Variants in LIMA1 observed in about 807,000 individuals in gnomAD.
The protein encoded by LIMA1 is LIM domain and actin binding 1.
A neutral mutation model predicts 62.6 loss-of-function variants in LIMA1; 52 were observed. The ratio of observed to expected loss-of-function variants is 0.83; its 90% confidence interval spans 0.67 to 1.05. LIMA1 has a LOEUF of 1.05. Ranked by LOEUF, LIMA1 falls within the 50% of genes least tolerant of loss-of-function variation. The probability of loss-of-function intolerance (pLI) is 0.00; values close to 1 mark genes in which losing one functional copy is unlikely to be tolerated. For synonymous variants in LIMA1, 302 were observed against 317.8 expected, an observed-to-expected ratio of 0.95 and a Z score of 0.53; for missense variants, 780 against 902.2, an observed-to-expected ratio of 0.86 and a Z score of 1.74.
At chr12:50,234,845 C>G (rs928290570) in intron 2 of LIMA1, among the ~76,000 whole-genome samples, 1 of 152,102 alleles carries the variant, frequency 6.6e-6, no homozygotes, top group East Asian at 1.9e-4. Context: ...AAAACCCTGT[C>G]TCTACGAAAA....
intron 1 of LIMA1, among the ~76,000 whole-genome samples, chr12:50,281,254 G>C (rs1231319343): frequency 6.6e-6 from 1 of 151,990 alleles, no homozygotes; most frequent in Non-Finnish European, 1.5e-5. Flanking sequence ...ATAAGAATTT[G>C]AAACCTGAAG....
At chr12:50,190,659 C>G (rs573942736) in intron 9 of LIMA1, among the ~76,000 whole-genome samples, 2 of 131,122 alleles carry the variant, frequency 1.5e-5, no homozygotes, top group South Asian at 2.5e-4. Flanking sequence ...GGATTACAGG[C>G]GTGAGCCACC....
chr12:50,268,128 A>G (rs749832402), intron 1 of LIMA1, among the ~76,000 whole-genome samples: 3 of 152,070 alleles, frequency 2.0e-5, no homozygotes, highest in Non-Finnish European at 4.4e-5. Flanking sequence ...TCTCATTAAT[A>G]TTCTTTCCAA....
At chr12:50,244,043 T>C in intron 2 of LIMA1, among the ~76,000 whole-genome samples, 1 of 150,766 alleles carries the variant, frequency 6.6e-6, no homozygotes, top group Non-Finnish European at 1.5e-5. Flanking sequence ...GCCTCCCAAG[T>C]AGCTGGGATT....
chr12:50,214,225 C>CA (rs2138524611), intron 4 of LIMA1, among the ~76,000 whole-genome samples: 1 of 151,118 alleles, frequency 6.6e-6, no homozygotes, highest in African/African-American at 2.4e-5. Flanking sequence ...GCTAAATCAG[C>CA]AAAAAGTTAG....
chr12:50,265,061 G>A (rs937155317), intron 1 of LIMA1, among the ~76,000 whole-genome samples: 42 of 151,682 alleles, frequency 2.8e-4, no homozygotes, highest in Admixed American at 2.0e-3. Context: ...GCTGAAGTGG[G>A]AAGATTGCCT....
intron 1 of LIMA1, among the ~76,000 whole-genome samples, chr12:50,272,106 G>A (rs910162531): frequency 1.3e-5 from 2 of 151,984 alleles, no homozygotes; most frequent in Non-Finnish European, 2.9e-5. Context: ...TTCACTTCTG[G>A]ACATTTCCAG....
intron 7 of LIMA1, 83 bp downstream of exon 7, chr12:50,200,694 G>T: frequency 7.0e-7 from 1 of 1,434,350 alleles, no homozygotes; most frequent in Non-Finnish European, 9.8e-7. Flanking sequence ...CTACAGCCTA[G>T]AGTTAGAGTT....
chr12:50,226,004 TG>T (rs1941521782), intron 3 of LIMA1, among the ~76,000 whole-genome samples: 1 of 152,192 alleles, frequency 6.6e-6, no homozygotes. Flanking sequence ...AGGCTAAGCA[TG>T]TTTTTACACT....
At chr12:50,221,601 G>A (rs1941441599) in intron 4 of LIMA1, among the ~76,000 whole-genome samples, 1 of 152,198 alleles carries the variant, frequency 6.6e-6, no homozygotes, top group African/African-American at 2.4e-5. Flanking sequence ...GCAGAGACAA[G>A]TAAGCCTCAG....
At chr12:50,261,038 G>GTA (rs771293990) in intron 1 of LIMA1, among the ~76,000 whole-genome samples, 11 of 70,158 alleles carry the variant, frequency 1.6e-4, no homozygotes, top group African/African-American at 7.0e-4. Context: ...CTGCCATCTA[G>GTA]TATATTTTTT....
chr12:50,243,668 T>A (rs1162369963), intron 2 of LIMA1, among the ~76,000 whole-genome samples: 4 of 152,166 alleles, frequency 2.6e-5, no homozygotes, highest in African/African-American at 4.8e-5. Flanking sequence ...TGCCTTTACC[T>A]CCTGTTGCTC....
chr12:50,210,418 C>CAAAAAA (rs769288381), intron 4 of LIMA1, among the ~76,000 whole-genome samples: 907 of 90,226 alleles, frequency 0.01, 6 homozygotes, highest in South Asian at 0.022. Context: ...ACCCCATTTC[C>CAAAAAA]AAAAAAAAAA....
At chr12:50,187,653 A>T (rs1171668218) in intron 9 of LIMA1, 11 of 152,200 alleles carry the variant, frequency 7.2e-5, no homozygotes, top group African/African-American at 1.9e-4. Context: ...GCCAGCATAA[A>T]ACCTCCCACT....
intron 4 of LIMA1, among the ~76,000 whole-genome samples, chr12:50,209,448 A>C (rs559716015): frequency 7.1e-4 from 108 of 151,862 alleles, no homozygotes; most frequent in Non-Finnish European, 7.8e-4. Flanking sequence ...GCGCACCTGT[A>C]ATCTCAGCTA....
chr12:50,193,531 TATGATATATATATACATATATATC>T (rs1204125319), intron 8 of LIMA1, among the ~76,000 whole-genome samples: 1 of 128,090 alleles, frequency 7.8e-6, no homozygotes, highest in African/African-American at 2.9e-5. Flanking sequence ...TATACACATA[TATGATATATATATACATATATATC>T]ATATATGTAT....
Position 50,204,691 on chromosome 12 carries a change from GA to G in LIMA1, c.724del (p.Ser242HisfsTer26). The G allele has an allele frequency of 1.2e-6, 2 of 1,614,024 alleles. No individual in the cohort carries two copies. Among genetic ancestry groups the G allele is most frequent in the Non-Finnish European group, 1.7e-6 (2 of 1,179,976 alleles). ...TTTCTCCGAGTCAAATGTAGAAGATGACAACTGACCTGGAAGCATCCAAATA... is the reference window on the plus strand; with the variant it reads ...TTTCTCCGAGTCAAATGTAGAAGATGCAACTGACCTGGAAGCATCCAAATA... Reference protein sequence around the residue: ...DDLEIGPGQLSSSTFDSEKNE... With the variant: ...DDLEIGPGQLXSSTFDSEKNE... On this transcript the variant is annotated frameshift_variant, in exon 6 of 11. Coordinates refer to ENST00000341247, the MANE Select transcript of LIMA1 (RefSeq NM_016357.5). LOFTEE classifies it high-confidence loss of function.
At chr12:50,186,628 G>C (rs1940637012) in intron 9 of LIMA1, 1 of 152,240 alleles carries the variant, frequency 6.6e-6, no homozygotes, top group South Asian at 2.1e-4. Flanking sequence ...AGCGTGACTA[G>C]CTGCACATGT....
intron 1 of LIMA1, among the ~76,000 whole-genome samples, chr12:50,279,891 A>AG (rs1452391359): frequency 1.3e-5 from 2 of 152,152 alleles, no homozygotes; most frequent in East Asian, 1.9e-4. Flanking sequence ...CAGTTTATGG[A>AG]GAAAAAAAAG....
Sources: gnomAD v4.1 joint callset for allele counts (sites outside exome capture counted in the v4.1 genomes callset) on GRCh38, gnomAD v4.1.1 for gene constraint, MANE v1.5 for transcripts, NCBI Gene and HGNC (gene_info 2026-07-23, HGNC 2026-07-21) for gene names.